The following COL21A1 variants were observed in gnomAD, a reference collection of about 807,000 sequenced individuals.
COL21A1 encodes collagen type XXI alpha 1 chain, also known as collagen alpha-1(XXI) chain.
A neutral mutation model predicts 137.9 loss-of-function variants in COL21A1; 149 were observed. The observed-to-expected ratio is 1.08, with a 90% confidence interval of 0.95 to 1.24. The LOEUF is 1.24. COL21A1 is among the 50% of genes most tolerant of loss of function. The pLI is 0.00. For synonymous variants in COL21A1, 456 were observed against 391.5 expected, an observed-to-expected ratio of 1.16 and a Z score of -1.95; for missense variants, 1,167 against 1,158.4, an observed-to-expected ratio of 1.01 and a Z score of -0.11.
At chr6:56,139,004 T>C (rs531893986) in intron 12 of COL21A1, among the ~76,000 whole-genome samples, 7 of 152,014 alleles carry the variant, frequency 4.6e-5, no homozygotes, top group Non-Finnish European at 7.4e-5. Context: ...GCCTGTGGAC[T>C]CCACATGGAC....
intron 1 of COL21A1, among the ~76,000 whole-genome samples, chr6:56,275,250 C>A (rs1333384843): frequency 1.3e-5 from 2 of 152,220 alleles, no homozygotes; most frequent in African/African-American, 4.8e-5. Context: ...AGACCTCAAA[C>A]TATAAAAATC....
intron 1 of COL21A1, among the ~76,000 whole-genome samples, chr6:56,310,740 C>T (rs763872182): frequency 5.3e-5 from 8 of 151,908 alleles, no homozygotes; most frequent in Non-Finnish European, 4.4e-5. Context: ...CCATCCAATG[C>T]TAAGGAATAT....
rs373888030 is a variant in COL21A1, at chr6:56,167,086, T to A, written c.1201-103A>T. 2.2e-4 allele frequency: 177 copies of A among 791,904 alleles called. 2 individuals carry two copies. In the South Asian group the frequency reaches 2.7e-3, roughly 12 times the overall value. 49.1% of individuals were successfully genotyped at this position (791,904 alleles called of 1,614,324 possible). On this transcript the variant is annotated intron_variant, in intron 6 of 29. Coordinates refer to ENST00000244728, the MANE Select transcript of COL21A1 (RefSeq NM_030820.4). ...ACATCCACTATGGTTAGTAATTGTG[T>A]AAGGTTTACATCACAGCATTTAGCT...
At chr6:56,370,516 T>C (rs534599166) in intron 1 of COL21A1, among the ~76,000 whole-genome samples, 173 of 152,340 alleles carry the variant, frequency 1.1e-3, no homozygotes, top group African/African-American at 4.0e-3. Flanking sequence ...CTCTATCCTA[T>C]AGCTGGTGTT....
At chr6:56,129,605 TCTCAAGAATAATTGCTTC>T (rs1170832845) in intron 12 of COL21A1, among the ~76,000 whole-genome samples, 1 of 151,970 alleles carries the variant, frequency 6.6e-6, no homozygotes, top group Non-Finnish European at 1.5e-5. Context: ...TAAATGTCTT[TCTCAAGAATAATTGCTTC>T]CTCTGTCACG....
At chr6:56,278,503 T>C (rs1434978546) in intron 1 of COL21A1, among the ~76,000 whole-genome samples, 2 of 152,220 alleles carry the variant, frequency 1.3e-5, no homozygotes, top group Non-Finnish European at 2.9e-5. Context: ...ATTCCCCAAA[T>C]GAGCTAAAGT....
At chr6:56,122,817 G>A (rs1489441535) in intron 16 of COL21A1, among the ~76,000 whole-genome samples, 1 of 152,078 alleles carries the variant, frequency 6.6e-6, no homozygotes, top group Non-Finnish European at 1.5e-5. Context: ...TGGGTGATTT[G>A]TCTTACTCAA....
intron 1 of COL21A1, among the ~76,000 whole-genome samples, chr6:56,295,194 T>G (rs1764135576): frequency 6.6e-6 from 1 of 152,028 alleles, no homozygotes; most frequent in Non-Finnish European, 1.5e-5. Context: ...TAGCATTTGT[T>G]GAAAAGATTG....
chr6:56,261,379 A>G (rs1052254847), intron 1 of COL21A1, among the ~76,000 whole-genome samples: 2 of 152,180 alleles, frequency 1.3e-5, no homozygotes, highest in Admixed American at 1.3e-4. Flanking sequence ...CCAAATTCAC[A>G]TGTTGAAATC....
intron 9 of COL21A1, among the ~76,000 whole-genome samples, chr6:56,160,304 C>CAG (rs2152263437): frequency 6.6e-6 from 1 of 152,314 alleles, no homozygotes; most frequent in South Asian, 2.1e-4. Flanking sequence ...TCCTATGAAG[C>CAG]AGATACTTTT....
chr6:56,304,659 G>A (rs193026590), intron 1 of COL21A1, among the ~76,000 whole-genome samples: 1 of 151,078 alleles, frequency 6.6e-6, no homozygotes, highest in South Asian at 2.1e-4. Flanking sequence ...GTCTATCAAT[G>A]TTGTTGATCT....
rs1402974928 is a variant in COL21A1, at chr6:56,260,630, AG to A, written c.-38-77975del. Among the ~76,000 whole-genome samples the A allele has an allele frequency of 2.9e-3, 95 of 33,330 alleles. 1 individual carries two copies. The highest frequency in any genetic ancestry group is 0.011 in the Middle Eastern group (1 of 92). 21.9% of individuals were successfully genotyped at this position (33,330 alleles called of 152,430 possible). On this transcript the variant is annotated intron_variant, in intron 1 of 28. Coordinates refer to the COL21A1 transcript ENST00000370819. ...AGAAGAAAGAAAGAGAGAGAGAGGA[AG>A]GAAGGAAGGAAGGAAGGAAGGAAGG...
At chr6:56,157,759 TGTAA>T in intron 9 of COL21A1, among the ~76,000 whole-genome samples, 1 of 152,372 alleles carries the variant, frequency 6.6e-6, no homozygotes, top group Non-Finnish European at 1.5e-5. Flanking sequence ...CTTTCAATCC[TGTAA>T]GTGTGTTGCT....
chr6:56,326,011 GTATATGTATATACATAATA>G (rs1765080892), intron 1 of COL21A1, among the ~76,000 whole-genome samples: 1 of 2,912 alleles, frequency 3.4e-4, no homozygotes, highest in Non-Finnish European at 8.5e-4. Context: ...CATATATTAT[GTATATGTATATACATAATA>G]TATTATGTAT....
intron 1 of COL21A1, among the ~76,000 whole-genome samples, chr6:56,392,297 C>G (rs550413484): frequency 1.6e-4 from 24 of 151,996 alleles, no homozygotes; most frequent in Non-Finnish European, 3.2e-4. Flanking sequence ...ATTTAACATC[C>G]CTTCATGATA....
At chr6:56,300,565 C>A (rs1487407627) in intron 1 of COL21A1, among the ~76,000 whole-genome samples, 2 of 151,928 alleles carry the variant, frequency 1.3e-5, no homozygotes. Flanking sequence ...ATGTTTTAAT[C>A]TTAAGATGTC....
At chr6:56,301,146 G>A (rs1276850035) in intron 1 of COL21A1, among the ~76,000 whole-genome samples, 2 of 152,112 alleles carry the variant, frequency 1.3e-5, no homozygotes, top group African/African-American at 4.8e-5. Context: ...TGGAACCTGC[G>A]AATATGTTGC....
chr6:56,214,137 A>G lies in COL21A1; in HGVS notation c.-38-31481T>C, dbSNP rs76773635. On this transcript the variant is annotated intron_variant, in intron 1 of 29. Coordinates refer to ENST00000244728, the MANE Select transcript of COL21A1 (RefSeq NM_030820.4). ...TTTTTCTTGGAGCAGGAATCACAGG[A>G]AAAACATTGCAGAATTTCAAGTTCC... 1.3e-3 allele frequency among the ~76,000 whole-genome samples: 194 copies of G among 152,182 alleles called. 1 individual carries two copies. The East Asian group carries it at 0.029, about 23-fold the overall frequency.
chr6:56,289,131 C>CCACTTGGTT (rs1763980757), intron 1 of COL21A1, among the ~76,000 whole-genome samples: 1 of 152,256 alleles, frequency 6.6e-6, no homozygotes, highest in African/African-American at 2.4e-5. Flanking sequence ...CAGTGCAGGC[C>CCACTTGGTT]CACTTGGTTG....
Sources: gnomAD v4.1 joint callset for allele counts (sites outside exome capture counted in the v4.1 genomes callset) on GRCh38, gnomAD v4.1.1 for gene constraint, MANE v1.5 for transcripts, NCBI Gene and HGNC (gene_info 2026-07-23, HGNC 2026-07-21) for gene names.